LINGO1: variants seen among roughly 807,000 people sequenced by gnomAD.
LINGO1 encodes leucine rich repeat and Ig domain containing 1.
A neutral mutation model predicts 37.3 loss-of-function variants in LINGO1; 11 were observed. That is an observed-to-expected ratio of 0.29 (90% CI 0.19 to 0.49). The LOEUF (loss-of-function observed/expected upper bound fraction) is 0.49, where lower values mean the gene tolerates loss of function less well. LINGO1 is among the 20% of genes least tolerant of loss of function. The probability of loss-of-function intolerance (pLI) is 0.99; values close to 1 mark genes in which losing one functional copy is unlikely to be tolerated. For missense variants in LINGO1, 585 were observed against 878.2 expected (o/e 0.67, Z 4.22); for synonymous variants, 387 against 403.0 (o/e 0.96, Z 0.48).
At chr15:77,769,198 T>C (rs2076559578) in intron 1 of LINGO1, among the ~76,000 whole-genome samples, 1 of 152,162 alleles carries the variant, frequency 6.6e-6, no homozygotes. Flanking sequence ...GAAGCCCCCA[T>C]TGGCTGCCTA....
chr15:77,819,210 C>A (rs888176263), intron 1 of LINGO1: 3 of 149,028 alleles, frequency 2.0e-5, no homozygotes, highest in African/African-American at 4.9e-5. Context: ...CACACCGGCT[C>A]CCCGGCCTGC....
chr15:77,799,426 G>T (rs2076899302), intron 1 of LINGO1, among the ~76,000 whole-genome samples: 1 of 152,114 alleles, frequency 6.6e-6, no homozygotes, highest in African/African-American at 2.4e-5. Context: ...ACAGCCCAAG[G>T]CCCCCTTACA....
At chr15:77,698,569 C>G (rs912964599), upstream of LINGO1, among the ~76,000 whole-genome samples, 2 of 152,168 alleles carry the variant, frequency 1.3e-5, no homozygotes, top group Admixed American at 1.3e-4. Flanking sequence ...GTGGGGCTGG[C>G]TCATGGTCCT....
At chr15:77,667,198 C>G (rs1223257864) in intron 3 of LINGO1, 2 of 152,510 alleles carry the variant, frequency 1.3e-5, no homozygotes, top group East Asian at 1.9e-4. Flanking sequence ...ACCAGCAGAG[C>G]TGTGCAGATC....
chr15:77,626,214 A>G (rs143140863), intron 1 of LINGO1, among the ~76,000 whole-genome samples: 2 of 152,252 alleles, frequency 1.3e-5, no homozygotes, highest in Non-Finnish European at 2.9e-5. Flanking sequence ...TCTCTCCCCA[A>G]CATCATACAA....
chr15:77,681,122 G>A (rs1567517086), intron 2 of LINGO1, among the ~76,000 whole-genome samples: 1 of 152,016 alleles, frequency 6.6e-6, no homozygotes, highest in East Asian at 1.9e-4. Context: ...AAGTCATACC[G>A]GAAACCAGCA....
chr15:77,671,863 G>A (rs2075255159), intron 3 of LINGO1, among the ~76,000 whole-genome samples: 1 of 152,236 alleles, frequency 6.6e-6, no homozygotes, highest in African/African-American at 2.4e-5. Context: ...CTACGCCACA[G>A]GGCTGGGTGA....
intron 1 of LINGO1, among the ~76,000 whole-genome samples, chr15:77,621,717 C>A (rs2073927746): frequency 6.6e-6 from 1 of 152,358 alleles, no homozygotes; most frequent in African/African-American, 2.4e-5. Flanking sequence ...CGGGGTGTTA[C>A]ACGAGCCACG....
chr15:77,764,979 C>T (rs1173802701), intron 1 of LINGO1, among the ~76,000 whole-genome samples: 1 of 152,238 alleles, frequency 6.6e-6, no homozygotes, highest in African/African-American at 2.4e-5. Flanking sequence ...TTTACCTCCA[C>T]TTCCTTCCAA....
At chr15:77,740,839 C>CAGG (rs1015067734) in intron 1 of LINGO1, among the ~76,000 whole-genome samples, 26 of 152,192 alleles carry the variant, frequency 1.7e-4, no homozygotes, top group African/African-American at 6.3e-4. Flanking sequence ...CCCAAAAGGC[C>CAGG]AGGAGGAGAA....
intron 2 of LINGO1, among the ~76,000 whole-genome samples, chr15:77,687,875 G>A (rs1292101241): frequency 1.3e-5 from 2 of 152,212 alleles, no homozygotes; most frequent in Non-Finnish European, 2.9e-5. Context: ...AAAGAGGGAA[G>A]CAGAACAGTA....
intron 3 of LINGO1, chr15:77,641,796 G>A: frequency 2.2e-6 from 1 of 453,766 alleles, no homozygotes; most frequent in Non-Finnish European, 4.4e-6. Context: ...CAGCACTGTG[G>A]GTTCAGATAG....
chr15:77,668,792 TACACACACACACACACACACAC>T (rs34476518), intron 3 of LINGO1, among the ~76,000 whole-genome samples: 2 of 134,900 alleles, frequency 1.5e-5, no homozygotes, highest in South Asian at 5.3e-4. Context: ...CACAGGGGAA[TACACACACACACACACACACAC>T]ACACACACAC....
intron 1 of LINGO1, among the ~76,000 whole-genome samples, chr15:77,800,455 C>A (rs1351721309): frequency 6.6e-6 from 1 of 152,130 alleles, no homozygotes; most frequent in Non-Finnish European, 1.5e-5. Context: ...GAGTAGAGAG[C>A]TGAAGATGGA....
chr15:77,714,501 A>G (rs2075959374), intron 2 of LINGO1, among the ~76,000 whole-genome samples: 2 of 151,850 alleles, frequency 1.3e-5, no homozygotes, highest in Admixed American at 6.5e-5. Context: ...TTTGCCACAT[A>G]GCCTCCTCAT....
At chr15:77,791,719 C>A (rs1369488325), upstream of LINGO1, among the ~76,000 whole-genome samples, 2 of 152,096 alleles carry the variant, frequency 1.3e-5, no homozygotes, top group Admixed American at 1.3e-4. Flanking sequence ...TTAAGAGTCC[C>A]TTACAAGAGG....
intron 1 of LINGO1, among the ~76,000 whole-genome samples, chr15:77,622,491 G>C (rs1020193964): frequency 1.3e-5 from 2 of 152,152 alleles, no homozygotes; most frequent in Admixed American, 1.3e-4. Flanking sequence ...GCTGGGGAGG[G>C]AGACTCAGAA....
chr15:77,616,093 G>T (rs554286276), intron 1 of LINGO1, among the ~76,000 whole-genome samples, 193 bp from the exon 2 acceptor site: 1 of 152,234 alleles, frequency 6.6e-6, no homozygotes, highest in African/African-American at 2.4e-5. Context: ...CTCTTACCCT[G>T]CCTGGAGTCT....
intron 2 of LINGO1, among the ~76,000 whole-genome samples, chr15:77,713,274 C>T (rs1425260155): frequency 1.4e-5 from 2 of 144,880 alleles, no homozygotes; most frequent in African/African-American, 5.2e-5. Context: ...GACAGGGTTT[C>T]ACCATGTTGC....
Sources: allele counts gnomAD v4.1 joint callset (sites outside exome capture counted in the v4.1 genomes callset), GRCh38; gene constraint gnomAD v4.1.1; transcripts MANE v1.5; gene names NCBI Gene and HGNC (gene_info 2026-07-23, HGNC 2026-07-21).